Variants in NPC1L1 observed in about 807,000 individuals in gnomAD.
NPC1L1 encodes NPC1 like intracellular cholesterol transporter 1, also known as NPC1-like intracellular cholesterol transporter 1.
NPC1L1 carries 98 observed loss-of-function variants against 117.0 expected under a neutral mutation model. The ratio of observed to expected loss-of-function variants is 0.84; its 90% CI spans 0.71 to 0.99. NPC1L1 has a LOEUF of 0.99. NPC1L1 is among the 50% of genes least tolerant of loss of function. The pLI, the probability that NPC1L1 is intolerant of heterozygous loss-of-function variation, is 0.00. For missense variants in NPC1L1, 1,540 were observed against 1,710.0 expected (o/e 0.90, Z 1.75); for synonymous variants, 729 against 727.6 (o/e 1.00, Z -0.03).
At position 44,513,491 on chromosome 7, in the gene NPC1L1, C is replaced by A. The variant is rs770097198; in HGVS notation, c.3955G>T (p.Gly1319Cys). 6.2e-7 allele frequency: 1 copy of A among 1,614,206 alleles called. No homozygotes were observed. Among genetic ancestry groups the A allele is most frequent in the Non-Finnish European group, 8.5e-7 (1 of 1,180,042 alleles). Residue 1319 changes from glycine (G) to cysteine (C), a missense_variant, in exon 19 of 19, where the codon GGT becomes TGT. Gly to Cys is a radical substitution (Grantham distance 159). Transcript: ENST00000381160. ...HSFEGSIKGA[G>C]AISNFLPNNG... The stretch of plus-strand genomic sequence containing the variant: ...TTGGGCAAGAAGTTGCTGATGGCAC[C>A]AGCACCTTTGATAGAACCTTCAAAG...
rs139883595 is a variant in NPC1L1, at chr7:44,540,148, G to A, written c.249C>T (p.Thr83=). ...LLQKICPRLY[T]GPNTQACCSA... ...AGCAGCAGGCTTGGGTGTTGGGGCCGGTGTAGAGGCGGGGGCAGATCTTCT... is the reference window on the plus strand; with the variant it reads ...AGCAGCAGGCTTGGGTGTTGGGGCCAGTGTAGAGGCGGGGGCAGATCTTCT... Residue 83 remains threonine, a synonymous_variant, in exon 2 of 19, where the codon ACC becomes ACT. Transcript: ENST00000381160. 17 of 1,614,012 alleles carry A rather than the reference G, an allele frequency of 1.1e-5. No homozygotes were observed. The highest frequency in any genetic ancestry group is 6.7e-5 in the East Asian group (3 of 44,892).
In NPC1L1 at chr7:44,517,364, A is replaced by G; in HGVS notation, c.3137-7T>C. 1 of 1,610,020 alleles carries G rather than the reference A, an allele frequency of 6.2e-7. No individual in the cohort carries two copies. The highest frequency in any genetic ancestry group is 8.5e-7 in the Non-Finnish European group (1 of 1,180,004). On this transcript the variant is annotated splice_region_variant and splice_polypyrimidine_tract_variant and intron_variant, in intron 14 of 18. Transcript: ENST00000381160. ...TAGGCCATGAACCTGGAGGCTGGACAGCCATGGCACACAGAAGATGGAAGG... is the reference window on the plus strand; with the variant it reads ...TAGGCCATGAACCTGGAGGCTGGACGGCCATGGCACACAGAAGATGGAAGG...
chr7:44,514,468 G>A (rs761965316), intron 18 of NPC1L1, among the ~76,000 whole-genome samples: 7 of 152,098 alleles, frequency 4.6e-5, no homozygotes, highest in Non-Finnish European at 1.0e-4. Flanking sequence ...ACAGGAGTTC[G>A]AGACCAGCCT....
chr7:44,518,313 G>A (rs217427), intron 14 of NPC1L1, among the ~76,000 whole-genome samples: 7,874 of 151,030 alleles, frequency 0.052, 338 homozygotes, highest in African/African-American at 0.11. Context: ...GGGATTACAG[G>A]TGCATGCCAC....
In NPC1L1 at chr7:44,522,032, G is replaced by T. The variant is rs745380810; in HGVS notation, c.2828+20C>A. The T allele has an allele frequency of 2.5e-6, 4 of 1,612,794 alleles. No individual in the cohort carries two copies. The stretch of plus-strand genomic sequence containing the variant: ...TCAAACAGGGAGTAGGCTGGGGTTT[G>T]GGGCGGGCCAGGAACTCACTGCTCA... On this transcript the variant is annotated intron_variant, in intron 11 of 18. Transcript: ENST00000381160.
chr7:44,513,700 T>TG (rs55741107), intron 18 of NPC1L1, 51 bp from the exon 19 acceptor site: 23,513 of 1,588,236 alleles, frequency 0.015, 231 homozygotes, highest in Non-Finnish European at 0.018. Flanking sequence ...GGGACACAGG[T>TG]GAGAAGCTAT....
rs772110784 is a variant in NPC1L1 at position 44,538,134 on chromosome 7, C to T, written c.1580+683G>A. 3.3e-5 allele frequency among the ~76,000 whole-genome samples: 5 copies of T among 152,246 alleles called. No homozygotes were observed. The highest frequency in any genetic ancestry group is 1.3e-4 in the Admixed American group (2 of 15,288). ...TTGCTCTGGAGTATGGAGTACTAAA[C>T]GTTCATCTTGAGGACCTCTGCTCTA... On this transcript the variant is annotated intron_variant, in intron 2 of 18. Coordinates refer to ENST00000381160, the MANE Select transcript of NPC1L1 (RefSeq NM_001101648.2). This position sits in a 1 kb window ranked among gnomAD's most constrained non-coding sequence, Gnocchi z 5.9.
chr7:44,536,002 C>A lies in NPC1L1; in HGVS notation c.1855-34G>T. The A allele has an allele frequency of 6.2e-7, 1 of 1,612,264 alleles. No homozygotes were observed. Among genetic ancestry groups the A allele is most frequent in the South Asian group, 1.1e-5 (1 of 90,868 alleles). On this transcript the variant is annotated intron_variant, in intron 4 of 18. Transcript: ENST00000381160. The surrounding 1 kb of genome is among the most constrained non-coding windows in gnomAD (Gnocchi z 4.7). ...ACACACCCGACCAGCCCCCACTGAC[C>A]GTGCCTGCTTCAGCCAGGCCAGCTC...
In NPC1L1 at chr7:44,532,977, G is replaced by C. The variant is rs1277839326; in HGVS notation, c.2409+454C>G. ...AAATTAGCCAGGCGTGCAGGAGGAG[G>C]GGGCCTGTAATCCCAGTAATTGGGA... On this transcript the variant is annotated intron_variant, in intron 8 of 18. Transcript: ENST00000381160. Among the ~76,000 whole-genome samples the C allele has an allele frequency of 5.3e-4, 81 of 152,198 alleles. 1 individual carries two copies. The highest frequency in any genetic ancestry group is 1.2e-4 in the Non-Finnish European group (8 of 68,008).
In NPC1L1 at chr7:44,541,155, G is replaced by A. The variant is rs772488779; in HGVS notation, c.54+51C>T. ...TCGCCTGGTACACGGCTGGCCCCAG[G>A]GTCCCTAACTGGAGGCCGCAGGGGA... is the stretch of plus-strand genomic sequence containing the variant. On this transcript the variant is annotated intron_variant, in intron 1 of 18. Coordinates refer to ENST00000381160, the MANE Select transcript of NPC1L1 (RefSeq NM_001101648.2). The A allele has an allele frequency of 3.3e-6, 5 of 1,537,004 alleles. No homozygotes were observed. In the South Asian group the frequency reaches 6.0e-5, roughly 18 times the overall value.
Position 44,535,856 on chromosome 7 carries a change from C to A in NPC1L1, c.1967G>T (p.Ser656Ile). 1 of 1,613,200 alleles carries A rather than the reference C, an allele frequency of 6.2e-7. No homozygotes were observed. Among genetic ancestry groups the A allele is most frequent in the Non-Finnish European group, 8.5e-7 (1 of 1,179,990 alleles). ...YISLALGSYS[S>I]WSRVMVDSKA... ...GCTTCTCACCATCACTCGGCTCCAG[C>A]TGGAATAGCTGCCCAGGGCCAGAGA... Residue 656 changes from serine (S) to isoleucine (I), a missense_variant, in exon 5 of 19, where the codon AGC becomes ATC. By Grantham distance (142) the Ser-to-Ile change is moderately radical (BLOSUM62 -2). Transcript: ENST00000381160.
At chr7:44,529,473 G>A (rs1262144601) in intron 10 of NPC1L1, among the ~76,000 whole-genome samples, 1 of 151,436 alleles carries the variant, frequency 6.6e-6, no homozygotes, top group Non-Finnish European at 1.5e-5. Context: ...CTGCCTCCCA[G>A]GTTCAAGTGA....
intron 8 of NPC1L1, chr7:44,533,198 C>G: frequency 2.2e-6 from 1 of 447,990 alleles, no homozygotes; most frequent in Non-Finnish European, 4.1e-6. Flanking sequence ...TATTTTATTT[C>G]TCAACATCAT....
rs1333084396 is a variant in NPC1L1 at position 44,538,946 on chromosome 7, T to C, written c.1451A>G (p.Asp484Gly). 1.2e-6 allele frequency: 2 copies of C among 1,614,166 alleles called. No individual in the cohort carries two copies. Among genetic ancestry groups the C allele is most frequent in the Non-Finnish European group, 1.7e-6 (2 of 1,180,024 alleles). The change falls in exon 2 of 19, where the codon GAC becomes GGC. Residue 484 changes from aspartate (D) to glycine (G), a missense_variant. Transcript: ENST00000381160. The surrounding 1 kb of genome is among the most constrained non-coding windows in gnomAD (Gnocchi z 5.9). ...CTGCAGGAGGCTGTTGATGCAGCAGTCGTAGAGACTGGTATTGTCCGGATT... is the reference window on the plus strand; with the variant it reads ...CTGCAGGAGGCTGTTGATGCAGCAGCCGTAGAGACTGGTATTGTCCGGATT... ...PLNPDNTSLY[D>G]CCINSLLQYF... is the part of the protein sequence containing the mutation.
At chr7:44,540,518 G>A (rs902626315) in intron 1 of NPC1L1, among the ~76,000 whole-genome samples, 176 bp from the exon 2 acceptor site, 5 of 152,024 alleles carry the variant, frequency 3.3e-5, no homozygotes, top group African/African-American at 1.2e-4. Context: ...GTGTTGGAGT[G>A]ACAACACTGG....
rs1222226966 is a variant in NPC1L1, at chr7:44,541,237, C to T, written c.23G>A (p.Gly8Asp). 3 of 1,549,962 alleles carry T rather than the reference C, an allele frequency of 1.9e-6. No individual in the cohort carries two copies. The Admixed American group carries it at 5.9e-5, about 30-fold the overall frequency. The change falls in exon 1 of 19, where the codon GGC becomes GAC. Residue 8 changes from glycine (G) to aspartate (D), a missense_variant. This residue lies in a region of NPC1L1 where 793 missense variants were observed against 820.4 expected (regional missense o/e 0.97). Transcript: ENST00000381160. MAEAGLR[G>D]WLLWALLLRL... ...CAGGAGCAGGGCCCACAGCAGCCAG[C>T]CCCTCAGGCCGGCCTCCGCCATCCC...
Position 44,540,073 on chromosome 7 carries a change from G to A in NPC1L1, c.324C>T (p.Ala108=). ...AGCAGGCTGGGCAGCGGGTGAGGAGGGCCTTGGTGATCGACAGACTCGCTT... is the reference window on the plus strand; with the variant it reads ...AGCAGGCTGGGCAGCGGGTGAGGAGAGCCTTGGTGATCGACAGACTCGCTT... ...SLEASLSITK[A]LLTRCPACSD... The change falls in exon 2 of 19, where the codon GCC becomes GCT. Residue 108 remains alanine (A), a synonymous_variant. Coordinates refer to ENST00000381160, the MANE Select transcript of NPC1L1 (RefSeq NM_001101648.2). 6.2e-7 allele frequency: 1 copy of A among 1,614,216 alleles called. No individual in the cohort carries two copies. The highest frequency in any genetic ancestry group is 8.5e-7 in the Non-Finnish European group (1 of 1,180,040).
intron 2 of NPC1L1, among the ~76,000 whole-genome samples, chr7:44,537,365 G>T (rs1022128761): frequency 6.6e-6 from 1 of 152,230 alleles, no homozygotes; most frequent in African/African-American, 2.4e-5. Context: ...TGGGATTTGA[G>T]CCATGGGGTC....
rs182586082 is a variant in NPC1L1, at chr7:44,534,419, G to A, written c.2166+28C>T. Reference sequence around the variant, plus strand: ...AGGTTGGGAGAAGAGTGGGCAGTTGGGGGTGTGGAGAGCTCCTCCCTTCTT... The same window carrying A: ...AGGTTGGGAGAAGAGTGGGCAGTTGAGGGTGTGGAGAGCTCCTCCCTTCTT... On this transcript the variant is annotated intron_variant, in intron 6 of 18. Transcript: ENST00000381160. This position sits in a 1 kb window ranked among gnomAD's most constrained non-coding sequence, Gnocchi z 5.2. The A allele has an allele frequency of 3.4e-4, 552 of 1,612,620 alleles. 3 individuals carry two copies. The Middle Eastern group carries it at 4.3e-3, about 13-fold the overall frequency.
Sources: gnomAD v4.1 joint callset for allele counts (sites outside exome capture counted in the v4.1 genomes callset) on GRCh38, gnomAD v4.1.1 for gene constraint, gnomAD v4.1.1 regional missense constraint, Gnocchi (gnomAD v3.1) non-coding constraint, MANE v1.5 for transcripts, NCBI Gene and HGNC (gene_info 2026-07-23, HGNC 2026-07-21) for gene names.